ACMSD: variants seen among roughly 807,000 people sequenced by gnomAD.
The protein encoded by ACMSD is aminocarboxymuconate semialdehyde decarboxylase.
ACMSD carries 37 observed loss-of-function variants against 45.9 expected under a neutral mutation model. That is an observed-to-expected ratio of 0.81 (90% CI 0.62 to 1.06). The LOEUF (loss-of-function observed/expected upper bound fraction) is 1.06. Among genes scored for constraint, ACMSD ranks in the 50% least tolerant of loss-of-function variants. The pLI is 0.00. For synonymous variants in ACMSD, 138 were observed against 148.8 expected, an observed-to-expected ratio of 0.93 and a Z score of 0.53; for missense variants, 434 against 420.9, an observed-to-expected ratio of 1.03 and a Z score of -0.27.
intron 8 of ACMSD, among the ~76,000 whole-genome samples, chr2:134,885,923 T>C (rs981731003): frequency 3.3e-5 from 5 of 152,200 alleles, no homozygotes; most frequent in Admixed American, 6.5e-5. Context: ...CACAAAGTTC[T>C]GCCCCCACAA....
intron 2 of ACMSD, among the ~76,000 whole-genome samples, chr2:134,855,179 GAAGAA>G (rs1573632736): frequency 6.6e-6 from 1 of 152,140 alleles, no homozygotes; most frequent in Non-Finnish European, 1.5e-5. Flanking sequence ...ATTAGTGTAA[GAAGAA>G]AAGAAATTTG....
chr2:134,869,461 C>T (rs985942698), intron 6 of ACMSD, among the ~76,000 whole-genome samples: 2 of 152,146 alleles, frequency 1.3e-5, no homozygotes, highest in Admixed American at 1.3e-4. Context: ...GATCTGCCCA[C>T]CTTGGCCTCC....
At chr2:134,854,387 T>A (rs2104836436) in intron 2 of ACMSD, among the ~76,000 whole-genome samples, 1 of 152,336 alleles carries the variant, frequency 6.6e-6, no homozygotes, top group East Asian at 1.9e-4. Context: ...AGGGCTGTGC[T>A]AACATGATCA....
chr2:134,864,244 G>T (rs1419807093), intron 5 of ACMSD, among the ~76,000 whole-genome samples: 1 of 150,958 alleles, frequency 6.6e-6, no homozygotes, highest in South Asian at 2.1e-4. Context: ...ACTCTAGTCT[G>T]GGTAAGAGAG....
intron 2 of ACMSD, among the ~76,000 whole-genome samples, chr2:134,849,027 G>A (rs559560118): frequency 1.8e-4 from 27 of 152,140 alleles, no homozygotes; most frequent in Admixed American, 1.5e-3. Flanking sequence ...AAGTCTCTCC[G>A]AGGGAAAACA....
At chr2:134,896,212 T>C (rs574252871) in intron 8 of ACMSD, among the ~76,000 whole-genome samples, 6 of 152,316 alleles carry the variant, frequency 3.9e-5, no homozygotes, top group Admixed American at 1.3e-4. Context: ...GAAGAAACCA[T>C]AGGTGTAAAT....
intron 1 of ACMSD, among the ~76,000 whole-genome samples, chr2:134,844,186 C>T (rs1456533233): frequency 6.6e-6 from 1 of 152,200 alleles, no homozygotes; most frequent in Non-Finnish European, 1.5e-5. Flanking sequence ...TGGCTTTCCA[C>T]AGTTTTTATG....
chr2:134,838,697 C>T lies in ACMSD; in HGVS notation c.15C>T (p.Ile5=), dbSNP rs200456967. 629 of 1,607,018 alleles carry T rather than the reference C, an allele frequency of 3.9e-4. 2 individuals are homozygous for T. In the African/African-American group the frequency reaches 7.6e-3, roughly 19 times the overall value. Residue 5 remains isoleucine, a synonymous_variant, in exon 1 of 10, where the codon ATC becomes ATT. Coordinates refer to ENST00000356140, the MANE Select transcript of ACMSD (RefSeq NM_138326.3). ...ATCCTGTGGAGATGAAAATTGACAT[C>T]CATAGTCATATTCTACCAAAAGAAT... The part of the protein sequence containing the change: MKID[I]HSHILPKEWP...
At chr2:134,901,193 A>G (rs886108303) in intron 9 of ACMSD, among the ~76,000 whole-genome samples, 1 of 152,206 alleles carries the variant, frequency 6.6e-6, no homozygotes, top group Non-Finnish European at 1.5e-5. Context: ...TGGATAAACA[A>G]ATCAGTTAGG....
intron 8 of ACMSD, 69 bp from the exon 9 acceptor site, chr2:134,898,272 A>C: frequency 1.1e-6 from 1 of 916,126 alleles, no homozygotes; most frequent in Non-Finnish European, 1.6e-6. Flanking sequence ...GTAATAAGTA[A>C]ACAATTGTTT....
At chr2:134,864,781 T>C (rs1217286240) in intron 5 of ACMSD, among the ~76,000 whole-genome samples, 2 of 152,218 alleles carry the variant, frequency 1.3e-5, no homozygotes, top group African/African-American at 2.4e-5. Context: ...CATGGTAAAA[T>C]GTATGTTCAA....
chr2:134,856,116 C>T (rs1467878027), intron 2 of ACMSD, among the ~76,000 whole-genome samples: 3 of 152,120 alleles, frequency 2.0e-5, no homozygotes, highest in South Asian at 2.1e-4. Context: ...CTCCACTAAG[C>T]GCTTTATATG....
chr2:134,856,871 T>C (rs1280231333), intron 2 of ACMSD, among the ~76,000 whole-genome samples: 1 of 151,876 alleles, frequency 6.6e-6, no homozygotes, highest in Non-Finnish European at 1.5e-5. Context: ...GCTTTGACTA[T>C]TTGAGATCTT....
chr2:134,890,925 A>G (rs1553516407), intron 8 of ACMSD, among the ~76,000 whole-genome samples: 1 of 152,088 alleles, frequency 6.6e-6, no homozygotes, highest in Non-Finnish European at 1.5e-5. Flanking sequence ...TCAGGAAACC[A>G]TAACATATCT....
At chr2:134,899,208 G>C (rs1293126272) in intron 9 of ACMSD, among the ~76,000 whole-genome samples, 1 of 152,106 alleles carries the variant, frequency 6.6e-6, no homozygotes, top group Non-Finnish European at 1.5e-5. Context: ...GAATCCAAAA[G>C]TTACCTTGAA....
intron 8 of ACMSD, among the ~76,000 whole-genome samples, chr2:134,886,246 A>ATTATTAT: frequency 3.5e-5 from 4 of 115,476 alleles, no homozygotes; most frequent in African/African-American, 1.4e-4. Context: ...TATTATTATT[A>ATTATTAT]TTTTTTTTTT....
chr2:134,862,330 G>A (rs561191186), intron 4 of ACMSD, among the ~76,000 whole-genome samples: 3 of 152,274 alleles, frequency 2.0e-5, no homozygotes, highest in South Asian at 4.1e-4. Flanking sequence ...ATGCCTTGCC[G>A]GGGAACTGAC....
chr2:134,875,684 T>C (rs751127174), intron 8 of ACMSD, among the ~76,000 whole-genome samples: 3 of 152,240 alleles, frequency 2.0e-5, no homozygotes, highest in Non-Finnish European at 2.9e-5. Context: ...TATATTAACA[T>C]GATCACAGAA....
chr2:134,840,370 T>C (rs1043122317), intron 1 of ACMSD, among the ~76,000 whole-genome samples: 1 of 151,848 alleles, frequency 6.6e-6, no homozygotes, highest in Admixed American at 6.6e-5. Context: ...CTCCAGGGCA[T>C]ACACCTCCTT....
Sources: allele counts gnomAD v4.1 joint callset (sites outside exome capture counted in the v4.1 genomes callset), GRCh38; gene constraint gnomAD v4.1.1; transcripts MANE v1.5; gene names NCBI Gene and HGNC (gene_info 2026-07-23, HGNC 2026-07-21).